Variants in COLQ observed in about 807,000 individuals in gnomAD.
COLQ encodes the protein acetylcholinesterase collagenic tail peptide.
Under a neutral mutation model 69.0 loss-of-function variants are expected in COLQ, and 48 were observed. The observed-to-expected ratio is 0.70, with a 90% CI of 0.55 to 0.88. The LOEUF (loss-of-function observed/expected upper bound fraction) is 0.88, where lower values mean the gene tolerates loss of function less well. COLQ is among the 40% of genes least tolerant of loss of function. The pLI, the probability that COLQ is intolerant of heterozygous loss-of-function variation, is 0.00. For synonymous variants in COLQ, 217 were observed against 211.2 expected (o/e 1.03, Z -0.24); for missense variants, 618 against 594.6 (o/e 1.04, Z -0.41).
At chr3:15,466,552 G>T in intron 11 of COLQ, 115 bp from the exon 12 acceptor site, 1 of 825,080 alleles carries the variant, frequency 1.2e-6, no homozygotes. Flanking sequence ...CCCAGTGGGG[G>T]ATGCAGCTCC....
At chr3:15,481,595 C>T (rs1216791636) in intron 3 of COLQ, among the ~76,000 whole-genome samples, 1 of 152,174 alleles carries the variant, frequency 6.6e-6, no homozygotes, top group African/African-American at 2.4e-5. Context: ...GTGCCAGTAC[C>T]ATGCTGTCTT....
At chr3:15,503,286 T>TC (rs1379055679) in intron 1 of COLQ, among the ~76,000 whole-genome samples, 2 of 152,204 alleles carry the variant, frequency 1.3e-5, no homozygotes, top group Non-Finnish European at 2.9e-5. Context: ...AAATGTGTGC[T>TC]CCCTCTTCCA....
intron 1 of COLQ, among the ~76,000 whole-genome samples, chr3:15,512,165 G>T (rs1206680627): frequency 6.6e-6 from 1 of 152,208 alleles, no homozygotes; most frequent in East Asian, 1.9e-4. Context: ...GAGGAGAGTG[G>T]TACAGAAGGA....
Position 15,451,649 on chromosome 3 carries a change from T to TGAA in COLQ, c.1360_1362dup (p.Phe454dup), listed in dbSNP as rs1234870746. 6.2e-7 allele frequency: 1 copy of TGAA among 1,614,162 alleles called. No homozygotes were observed. Among genetic ancestry groups the TGAA allele is most frequent in the Non-Finnish European group, 8.5e-7 (1 of 1,180,010 alleles). ...CCACCTTCTCCTCACGGCCCTCAGG[T>TGAA]GAAGTAGCGGCAGGGCGTGGAGTCG... On this transcript the variant is annotated inframe_insertion, in exon 17 of 17. Transcript: ENST00000383788.
Position 15,450,416 on chromosome 3 carries a change from G to C in COLQ, c.*1228C>G, listed in dbSNP as rs1371048352. ...AAATAGCTTCGTACAAAAACCCAAG[G>C]GTGTCCCTCCAGCTGGTAAAAATTG... is the stretch of plus-strand genomic sequence containing the variant. On this transcript the variant is annotated 3_prime_UTR_variant, in exon 17 of 17. Coordinates refer to ENST00000383788, the MANE Select transcript of COLQ (RefSeq NM_005677.4). The C allele has an allele frequency of 6.5e-6, 1 of 153,694 alleles. No individual in the cohort carries two copies. The highest frequency in any genetic ancestry group is 1.5e-5 in the Non-Finnish European group (1 of 68,038). The allele number at this position is 153,694 out of a possible 1,614,324, so 9.5% of individuals were successfully genotyped here. A position where few individuals can be genotyped will look rare whatever the true frequency, so the allele number is the denominator to read the frequency against.
chr3:15,502,454 C>T (rs916467415), intron 1 of COLQ, among the ~76,000 whole-genome samples: 16 of 151,514 alleles, frequency 1.1e-4, no homozygotes, highest in African/African-American at 3.9e-4. Context: ...CTCCCTCTGT[C>T]ACCTAGGCTG....
chr3:15,520,883 T>C (rs1056944699), intron 1 of COLQ, among the ~76,000 whole-genome samples: 2 of 152,108 alleles, frequency 1.3e-5, no homozygotes, highest in African/African-American at 4.8e-5. Flanking sequence ...CACTTCTCCC[T>C]GGAAAGCTCA....
chr3:15,459,981 C>T (rs185354489), intron 12 of COLQ, among the ~76,000 whole-genome samples: 7 of 152,246 alleles, frequency 4.6e-5, no homozygotes, highest in African/African-American at 1.7e-4. Context: ...CTCCATCCCT[C>T]CCCAGCTGCC....
At position 15,473,999 on chromosome 3, in the gene COLQ, C is replaced by A. The variant is rs2062333815; in HGVS notation, c.636+1G>T. On this transcript the variant is annotated splice_donor_variant, in intron 10 of 16. Transcript: ENST00000383788. LOFTEE classifies it high-confidence loss of function. The surrounding 1 kb of genome is among the most constrained non-coding windows in gnomAD (Gnocchi z 4.0). ...ATTTTCACTACCTCAAGGTTACTTA[C>A]TTTCTGCCCCAACATTCCAGGAAAT... The A allele has an allele frequency of 6.2e-7, 1 of 1,614,056 alleles. No individual in the cohort carries two copies. The highest frequency in any genetic ancestry group is 1.7e-5 in the Admixed American group (1 of 60,008).
chr3:15,455,001 T>G lies in COLQ; in HGVS notation c.1195+898A>C, dbSNP rs148579357. Among the ~76,000 whole-genome samples, 65 of 152,130 alleles carry G rather than the reference T, an allele frequency of 4.3e-4. 2 individuals are homozygous for G. The East Asian group carries it at 9.4e-3, about 22-fold the overall frequency. On this transcript the variant is annotated intron_variant, in intron 15 of 16. Transcript: ENST00000383788. Reference sequence around the variant, plus strand: ...TTCTTGAGAGCAAGGACCATGACTTTGCATCCACACATCCAGCCCTGAGCC... The same window carrying G: ...TTCTTGAGAGCAAGGACCATGACTTGGCATCCACACATCCAGCCCTGAGCC...
At chr3:15,459,595 C>T (rs2062076369) in intron 12 of COLQ, among the ~76,000 whole-genome samples, 1 of 151,308 alleles carries the variant, frequency 6.6e-6, no homozygotes, top group Non-Finnish European at 1.5e-5. Flanking sequence ...TCTCCTGCCT[C>T]AACCTCCTGA....
intron 3 of COLQ, among the ~76,000 whole-genome samples, chr3:15,487,409 T>A (rs905376288): frequency 6.6e-6 from 1 of 152,162 alleles, no homozygotes; most frequent in African/African-American, 2.4e-5. Context: ...TATGAGGTGA[T>A]GTAGGAGATA....
At chr3:15,470,972 C>T (rs543638019) in intron 10 of COLQ, among the ~76,000 whole-genome samples, 2 of 152,226 alleles carry the variant, frequency 1.3e-5, no homozygotes, top group East Asian at 3.8e-4. Context: ...CTAATTACTA[C>T]AAGCTGTCTG....
chr3:15,478,124 A>G, intron 5 of COLQ, among the ~76,000 whole-genome samples: 1 of 152,178 alleles, frequency 6.6e-6, no homozygotes, highest in Non-Finnish European at 1.5e-5. Flanking sequence ...TCACTAATCA[A>G]TCATGGTCCT....
chr3:15,489,713 G>A, intron 1 of COLQ, 76 bp from the exon 2 acceptor site: 1 of 1,289,780 alleles, frequency 7.8e-7, no homozygotes, highest in Non-Finnish European at 1.1e-6. Flanking sequence ...GCCCAGGGAA[G>A]ACCCATCCTG....
chr3:15,454,768 A>G (rs1177369080), intron 15 of COLQ, among the ~76,000 whole-genome samples: 2 of 138,042 alleles, frequency 1.4e-5, no homozygotes, highest in African/African-American at 5.5e-5. Context: ...TCATCCTCCC[A>G]CCTCACCCTC....
rs912009121 is a variant in COLQ, at chr3:15,450,949, G to A, written c.*695C>T. Reference sequence around the variant, plus strand: ...GAAACCACAAGAGCCGCCCCTTTGGGAAACACTGAGAAGAGGAGCCTCTTC... The same window carrying A: ...GAAACCACAAGAGCCGCCCCTTTGGAAAACACTGAGAAGAGGAGCCTCTTC... On this transcript the variant is annotated 3_prime_UTR_variant, in exon 17 of 17. Transcript: ENST00000383788. 1 of 152,694 alleles carries A rather than the reference G, an allele frequency of 6.5e-6. No homozygotes were observed. The highest frequency in any genetic ancestry group is 1.5e-5 in the Non-Finnish European group (1 of 68,420). 9.5% of individuals were successfully genotyped at this position (152,694 alleles called of 1,614,324 possible).
rs1198259611 is a variant in COLQ, at chr3:15,488,208, G to C, written c.319C>G (p.Gln107Glu). The C allele has an allele frequency of 9.3e-6, 15 of 1,609,466 alleles. No individual in the cohort carries two copies. Among genetic ancestry groups the C allele is most frequent in the Non-Finnish European group, 1.3e-5 (15 of 1,177,822 alleles). Residue 107 changes from glutamine to glutamate, a missense_variant and splice_region_variant, in exon 3 of 17, where the codon CAG becomes GAG. Coordinates refer to ENST00000383788, the MANE Select transcript of COLQ (RefSeq NM_005677.4). ...GGGGTCCGGTAGAGTGCACCAACCT[G>C]GGGGCCGGGAGGCCCAGGGGAGCCT... ...SLGSPGPPGPQGPPGLPGKTG... is the reference protein window; with the variant it reads ...SLGSPGPPGPEGPPGLPGKTG...
intron 5 of COLQ, 63 bp from the exon 6 acceptor site, chr3:15,477,260 G>A (rs2062395728): frequency 6.8e-7 from 1 of 1,463,418 alleles, no homozygotes; most frequent in East Asian, 2.4e-5. Context: ...TAATAAATAT[G>A]TTTTGTCTCT....
Sources: allele counts gnomAD v4.1 joint callset (sites outside exome capture counted in the v4.1 genomes callset), GRCh38; gene constraint gnomAD v4.1.1; non-coding constraint Gnocchi (gnomAD v3.1); transcripts MANE v1.5; gene names NCBI Gene and HGNC (gene_info 2026-07-23, HGNC 2026-07-21).